Variants in DMD observed in about 807,000 individuals in gnomAD.
DMD encodes dystrophin.
Under a neutral mutation model 330.1 loss-of-function variants are expected in DMD, and 63 were observed. That is an observed-to-expected ratio of 0.19 (90% CI 0.16 to 0.24). The LOEUF (loss-of-function observed/expected upper bound fraction) is 0.24. Among genes scored for constraint, DMD ranks in the 10% least tolerant of loss-of-function variants. The pLI is 1.00. For synonymous variants in DMD, 1,223 were observed against 959.8 expected (o/e 1.27, Z -5.07); for missense variants, 3,344 against 2,684.1 (o/e 1.25, Z -5.43).
chrX:32,428,118 T>C (rs1458462431), intron 29 of DMD, among the ~76,000 whole-genome samples: 1 of 111,499 alleles, frequency 9.0e-6, no homozygotes, highest in Non-Finnish European at 1.9e-5. Flanking sequence ...GCATTTATTA[T>C]ACTTTTCCCT....
At chrX:32,388,341 C>CTTTTTTTTTTTTTTTTTTTTTTTTTTT (rs3044988) in intron 32 of DMD, among the ~76,000 whole-genome samples, 1 of 78,569 alleles carries the variant, frequency 1.3e-5, no homozygotes, top group African/African-American at 5.7e-5. Flanking sequence ...TTATGCTTTC[C>CTTTTTTTTTTTTTTTTTTTTTTTTTTT]TTTTTTTTTT....
At chrX:31,585,626 T>C (rs1328407214) in intron 55 of DMD, among the ~76,000 whole-genome samples, 3 of 110,539 alleles carry the variant, frequency 2.7e-5, no homozygotes, top group Non-Finnish European at 5.7e-5. Flanking sequence ...CTGTTGGTGA[T>C]AATTTTGCCC....
intron 54 of DMD, among the ~76,000 whole-genome samples, chrX:31,641,394 T>G (rs1297603652): frequency 2.8e-5 from 3 of 105,997 alleles, no homozygotes; most frequent in Non-Finnish European, 5.8e-5. Flanking sequence ...TCCCAGCCAC[T>G]CGGGAGGCTG....
At chrX:33,319,247 A>T (rs1269250735) in intron 1 of DMD, among the ~76,000 whole-genome samples, 1 of 110,707 alleles carries the variant, frequency 9.0e-6, no homozygotes, top group East Asian at 2.8e-4. Flanking sequence ...TACGCCACCC[A>T]GTTTATTATT....
chrX:31,841,993 A>G (rs774811980), intron 48 of DMD, among the ~76,000 whole-genome samples: 1 of 109,901 alleles, frequency 9.1e-6, no homozygotes, highest in African/African-American at 3.2e-5. Context: ...TAGCTGCCCT[A>G]GGTAGCGATT....
chrX:32,449,601 C>A (rs1488878052), intron 26 of DMD, among the ~76,000 whole-genome samples: 2 of 105,313 alleles, frequency 1.9e-5, no homozygotes, highest in Non-Finnish European at 3.9e-5. Flanking sequence ...TTTTTTTCAT[C>A]CACACGCACC....
At chrX:32,508,712 T>C (rs1456169207) in intron 18 of DMD, among the ~76,000 whole-genome samples, 1 of 112,160 alleles carries the variant, frequency 8.9e-6, no homozygotes, top group African/African-American at 3.2e-5. Context: ...CTGAGAAAAA[T>C]GGTTTGACAT....
chrX:32,317,739 T>A (rs1374005699), intron 41 of DMD, among the ~76,000 whole-genome samples: 1 of 110,598 alleles, frequency 9.0e-6, no homozygotes, highest in Non-Finnish European at 1.9e-5. Context: ...TAACTATATA[T>A]CTCATATAAA....
chrX:33,120,587 A>C (rs772533780), intron 1 of DMD, among the ~76,000 whole-genome samples: 11 of 111,414 alleles, frequency 9.9e-5, no homozygotes, highest in African/African-American at 3.6e-4. Context: ...TCCTCTATTG[A>C]AACACTTTTT....
At chrX:31,967,923 T>A (rs1484516031) in intron 45 of DMD, among the ~76,000 whole-genome samples, 1 of 111,900 alleles carries the variant, frequency 8.9e-6, no homozygotes, top group Non-Finnish European at 1.9e-5. Flanking sequence ...ACACTATCAC[T>A]TTTTTTAGCT....
intron 47 of DMD, among the ~76,000 whole-genome samples, chrX:31,921,628 T>C (rs1403886934): frequency 3.6e-5 from 4 of 112,627 alleles, no homozygotes; most frequent in Non-Finnish European, 7.5e-5. Context: ...GTATTACTCC[T>C]ACTGTTTTTA....
At chrX:32,800,275 G>A (rs1374090886) in intron 7 of DMD, among the ~76,000 whole-genome samples, 2 of 111,928 alleles carry the variant, frequency 1.8e-5, no homozygotes, top group East Asian at 2.8e-4. Context: ...CATGAATCAC[G>A]AATTTTGCTG....
In DMD at chrX:31,479,072, G is replaced by C; in HGVS notation, c.8579C>G (p.Pro2860Arg). The change falls in exon 58 of 79, where the codon CCT becomes CGT. Residue 2860 changes from proline (P) to arginine (R), a missense_variant. By Grantham distance (103) the Pro-to-Arg change is moderately radical. Transcript: ENST00000357033. ...AFKRELKTKEPVIMSTLETVR... is the reference protein window; with the variant it reads ...AFKRELKTKERVIMSTLETVR... Reference sequence around the variant, plus strand: ...AGTCTCAAGAGTACTCATGATTACAGGTTCTTTAGTTTTCAATTCCCTCTT... The same window carrying C: ...AGTCTCAAGAGTACTCATGATTACACGTTCTTTAGTTTTCAATTCCCTCTT... 8.3e-7 allele frequency: 1 copy of C among 1,209,469 alleles called. No individual in the cohort carries two copies. The highest frequency in any genetic ancestry group is 1.1e-6 in the Non-Finnish European group (1 of 893,722).
Position 31,216,214 on chromosome X carries a change from G to A in DMD, c.9362-6515C>T, listed in dbSNP as rs759575156. On this transcript the variant is annotated intron_variant, in intron 64 of 78. Transcript: ENST00000357033. ...CAAGGGCATCCAATTCCAGGAGGAAGGATAGGGATGGCAAGCTGCCAAGGT... is the reference window on the plus strand; with the variant it reads ...CAAGGGCATCCAATTCCAGGAGGAAAGATAGGGATGGCAAGCTGCCAAGGT... Among the ~76,000 whole-genome samples the A allele has an allele frequency of 9.8e-5, 11 of 112,585 alleles. No individual in the cohort carries two copies. The South Asian group carries it at 3.7e-3, about 38-fold the overall frequency.
At chrX:33,239,205 C>T (rs1201239409) in intron 1 of DMD, among the ~76,000 whole-genome samples, 2 of 95,295 alleles carry the variant, frequency 2.1e-5, no homozygotes, top group Non-Finnish European at 4.0e-5. Flanking sequence ...TGCAGTGAGC[C>T]GAGATCCCAC....
chrX:32,743,860 G>T (rs1346397962), intron 7 of DMD, among the ~76,000 whole-genome samples: 3 of 111,010 alleles, frequency 2.7e-5, no homozygotes, highest in Non-Finnish European at 3.8e-5. Context: ...CTCCAATGTA[G>T]CTCTTTTTCA....
At chrX:32,346,920 G>T (rs1212567889) in intron 38 of DMD, among the ~76,000 whole-genome samples, 1 of 111,688 alleles carries the variant, frequency 9.0e-6, no homozygotes, top group East Asian at 2.8e-4. Flanking sequence ...TGAAAACTTT[G>T]TATCAAGTAG....
chrX:31,470,858 G>C (rs1034364750), intron 59 of DMD, among the ~76,000 whole-genome samples: 9 of 112,363 alleles, frequency 8.0e-5, no homozygotes, highest in Non-Finnish European at 3.8e-5. Flanking sequence ...CAGAGAGAAG[G>C]AATCTAGAGA....
At chrX:32,041,520 C>T (rs2096002681) in intron 44 of DMD, among the ~76,000 whole-genome samples, 1 of 112,082 alleles carries the variant, frequency 8.9e-6, no homozygotes, top group Non-Finnish European at 1.9e-5. Context: ...TTATTGTCAT[C>T]TAGTACTGTT....
Sources: gnomAD v4.1 joint callset for allele counts (sites outside exome capture counted in the v4.1 genomes callset) on GRCh38, gnomAD v4.1.1 for gene constraint, MANE v1.5 for transcripts, NCBI Gene and HGNC (gene_info 2026-07-23, HGNC 2026-07-21) for gene names.